SNTG2: variants seen among roughly 807,000 people sequenced by gnomAD.
SNTG2 encodes the protein syntrophin gamma 2.
SNTG2 carries 74 observed loss-of-function variants against 70.9 expected under a neutral mutation model. The observed-to-expected ratio is 1.04, with a 90% CI of 0.86 to 1.27. SNTG2 has a LOEUF of 1.27. Among genes scored for constraint, SNTG2 ranks in the 50% most tolerant of loss-of-function variants. The probability of loss-of-function intolerance (pLI) is 0.00; values close to 1 mark genes in which losing one functional copy is unlikely to be tolerated. For missense variants in SNTG2, 717 were observed against 690.7 expected (o/e 1.04, Z -0.43); for synonymous variants, 278 against 273.8 (o/e 1.02, Z -0.15).
At chr2:1,090,236 G>A (rs932315868) in intron 2 of SNTG2, among the ~76,000 whole-genome samples, 4 of 152,144 alleles carry the variant, frequency 2.6e-5, no homozygotes, top group Non-Finnish European at 5.9e-5. Flanking sequence ...AAGTTGATAA[G>A]TTTTCTGCAC....
chr2:1,346,818 G>A (rs534175358), intron 16 of SNTG2, among the ~76,000 whole-genome samples: 27 of 152,194 alleles, frequency 1.8e-4, no homozygotes, highest in Admixed American at 6.5e-4. Flanking sequence ...ATCTCCAAGC[G>A]GGGGCTTACA....
chr2:1,034,595 T>A (rs1233398532), intron 1 of SNTG2, among the ~76,000 whole-genome samples: 2 of 152,222 alleles, frequency 1.3e-5, no homozygotes, highest in African/African-American at 4.8e-5. Flanking sequence ...AGTGTTCTCT[T>A]TTCTCTGCAA....
chr2:1,364,373 G>A (rs1442133227), intron 16 of SNTG2, among the ~76,000 whole-genome samples: 1 of 152,072 alleles, frequency 6.6e-6, no homozygotes, highest in African/African-American at 2.4e-5. Context: ...ATTATTACTG[G>A]TAGCTGTTTG....
In SNTG2 at chr2:1,165,602, A is replaced by G. The variant is rs1250032666; in HGVS notation, c.466A>G (p.Arg156Gly). The G allele has an allele frequency of 1.2e-6, 2 of 1,612,158 alleles. No homozygotes were observed. The highest frequency in any genetic ancestry group is 1.7e-6 in the Non-Finnish European group (2 of 1,178,660). The change falls in exon 7 of 17, where the codon AGG becomes GGG. Residue 156 changes from arginine (R) to glycine (G), a missense_variant. Physicochemically the swap from Arg to Gly is moderately radical, Grantham distance 125. Transcript: ENST00000308624. ...DEVTITVEYL[R>G]EAPAFLKLPL... ...AGTTACCATCACCGTTGAGTATCTC[A>G]GGGAAGCGCCGGCATTTCTGAAGCT...
rs1392869684 is a variant in SNTG2, at chr2:1,204,794, A to G, written c.592-4309A>G. ...TGTGTATAGGAAAAAAGCATAGTAT[A>G]TAACTATACGGTTTGGTACTACGCA... is the stretch of plus-strand genomic sequence containing the variant. On this transcript the variant is annotated intron_variant, in intron 8 of 16. Transcript: ENST00000308624. Among the ~76,000 whole-genome samples, 7 of 152,338 alleles carry G rather than the reference A, an allele frequency of 4.6e-5. No individual in the cohort carries two copies. The East Asian group carries it at 1.3e-3, about 29-fold the overall frequency.
At chr2:1,020,244 C>T (rs959195988) in intron 1 of SNTG2, among the ~76,000 whole-genome samples, 1 of 152,218 alleles carries the variant, frequency 6.6e-6, no homozygotes, top group Non-Finnish European at 1.5e-5. Flanking sequence ...GTGGAGGACT[C>T]CAGGGCAATG....
In SNTG2 at chr2:1,135,086, C is replaced by T. The variant is rs369739796; in HGVS notation, c.326-2536C>T. Among the ~76,000 whole-genome samples the T allele has an allele frequency of 5.9e-5, 9 of 152,264 alleles. No individual in the cohort carries two copies. The South Asian group carries it at 1.9e-3, about 32-fold the overall frequency. ...TGCTGACCCATGGGCTCAGCACTGC[C>T]CTATGTGCGTTTTTCTGATGTCTGG... On this transcript the variant is annotated intron_variant, in intron 4 of 16. Coordinates refer to ENST00000308624, the MANE Select transcript of SNTG2 (RefSeq NM_018968.4).
intron 14 of SNTG2, among the ~76,000 whole-genome samples, chr2:1,296,035 C>G (rs1291183224): frequency 6.6e-6 from 1 of 151,774 alleles, no homozygotes; most frequent in Non-Finnish European, 1.5e-5. Flanking sequence ...CTGTAGAAGG[C>G]TGAGTCTCCC....
chr2:1,210,646 A>G (rs910887592), intron 9 of SNTG2: 4 of 152,236 alleles, frequency 2.6e-5, no homozygotes, highest in Non-Finnish European at 5.9e-5. Flanking sequence ...GGCTTCACCC[A>G]GAACAACTTC....
At chr2:1,197,039 GAGAA>G (rs1558518507) in intron 8 of SNTG2, among the ~76,000 whole-genome samples, 1 of 152,086 alleles carries the variant, frequency 6.6e-6, no homozygotes, top group Non-Finnish European at 1.5e-5. Flanking sequence ...AACAATGAGA[GAGAA>G]AGAAAGGAAA....
At chr2:1,049,381 T>C (rs963460868) in intron 1 of SNTG2, among the ~76,000 whole-genome samples, 7 of 152,202 alleles carry the variant, frequency 4.6e-5, no homozygotes, top group Non-Finnish European at 1.0e-4. Context: ...ATAGTGTGCC[T>C]TTTCCAGGTC....
At chr2:1,186,774 A>G (rs1388795133) in intron 8 of SNTG2, among the ~76,000 whole-genome samples, 3 of 152,230 alleles carry the variant, frequency 2.0e-5, no homozygotes, top group African/African-American at 4.8e-5. Context: ...GAGGATTACA[A>G]TTCAACATGA....
chr2:1,118,206 T>C (rs565590222), intron 4 of SNTG2, among the ~76,000 whole-genome samples: 79 of 152,130 alleles, frequency 5.2e-4, no homozygotes, highest in Non-Finnish European at 8.8e-4. Flanking sequence ...TGTGCACCTG[T>C]GCCCTGGATC....
chr2:1,297,707 A>G (rs892846817), intron 14 of SNTG2, among the ~76,000 whole-genome samples: 3 of 152,238 alleles, frequency 2.0e-5, no homozygotes, highest in Non-Finnish European at 4.4e-5. Flanking sequence ...AGTGACAGGA[A>G]AGTGGCCCAG....
chr2:1,274,567 C>A (rs1572904391), intron 14 of SNTG2, among the ~76,000 whole-genome samples: 1 of 152,146 alleles, frequency 6.6e-6, no homozygotes, highest in Non-Finnish European at 1.5e-5. Flanking sequence ...AAGAACTTAC[C>A]CTTCCACCCT....
At chr2:1,334,179 A>G (rs1659678958) in intron 16 of SNTG2, among the ~76,000 whole-genome samples, 1 of 152,224 alleles carries the variant, frequency 6.6e-6, no homozygotes, top group Non-Finnish European at 1.5e-5. Flanking sequence ...ATGGCCAACA[A>G]ACATATGAAA....
At chr2:1,223,695 CGT>C (rs1558558861) in intron 9 of SNTG2, among the ~76,000 whole-genome samples, 2 of 152,230 alleles carry the variant, frequency 1.3e-5, no homozygotes, top group Admixed American at 1.3e-4. Flanking sequence ...AGGAGCCAGG[CGT>C]GTCTGGTGGA....
At position 1,222,134 on chromosome 2, in the gene SNTG2, T is replaced by C. The variant is rs1419933227; in HGVS notation, c.719+12904T>C. Reference sequence around the variant, plus strand: ...CTCTCTGTCTCTCTCTGTCTCTCTCTGTCTCTCTCTGTCTCTGCCTATCTC... The same window carrying C: ...CTCTCTGTCTCTCTCTGTCTCTCTCCGTCTCTCTCTGTCTCTGCCTATCTC... On this transcript the variant is annotated intron_variant, in intron 9 of 16. Coordinates refer to ENST00000308624, the MANE Select transcript of SNTG2 (RefSeq NM_018968.4). 8.6e-5 allele frequency among the ~76,000 whole-genome samples: 12 copies of C among 139,178 alleles called. 1 individual carries two copies. The highest frequency in any genetic ancestry group is 3.1e-4 in the African/African-American group (12 of 38,180). The allele number at this position is 139,178 out of a possible 152,430, so 91.3% of individuals were successfully genotyped here. A position where few individuals can be genotyped will look rare whatever the true frequency, so the allele number is the denominator to read the frequency against.
chr2:999,431 C>T (rs931787516), intron 1 of SNTG2, among the ~76,000 whole-genome samples: 1 of 151,846 alleles, frequency 6.6e-6, no homozygotes, highest in African/African-American at 2.4e-5. Flanking sequence ...TTAGTAGGCT[C>T]AAGGTAAAAA....
Sources: gnomAD v4.1 joint callset for allele counts (sites outside exome capture counted in the v4.1 genomes callset) on GRCh38, gnomAD v4.1.1 for gene constraint, MANE v1.5 for transcripts, NCBI Gene and HGNC (gene_info 2026-07-23, HGNC 2026-07-21) for gene names.